The following ABCC9 variants were observed in gnomAD, a reference collection of about 807,000 sequenced individuals.
The protein encoded by ABCC9 is ATP binding cassette subfamily C member 9, also known as ATP-binding cassette sub-family C member 9.
Under a neutral mutation model 188.3 loss-of-function variants are expected in ABCC9, and 95 were observed. The ratio of observed to expected loss-of-function variants is 0.50; its 90% CI spans 0.43 to 0.60. The LOEUF is 0.60. Ranked by LOEUF, ABCC9 falls within the 20% of genes least tolerant of loss-of-function variation. The pLI is 0.00. For missense variants in ABCC9, 1,102 were observed against 1,876.3 expected (o/e 0.59, Z 7.62); for synonymous variants, 659 against 652.7 (o/e 1.01, Z -0.15).
chr12:21,856,194 A>G (rs536273865), intron 22 of ABCC9, among the ~76,000 whole-genome samples: 1 of 152,278 alleles, frequency 6.6e-6, no homozygotes. Context: ...TCTACAACTT[A>G]CTAAAAATTG....
intron 20 of ABCC9, among the ~76,000 whole-genome samples, chr12:21,861,533 G>A (rs868419657): frequency 6.6e-6 from 1 of 151,970 alleles, no homozygotes; most frequent in South Asian, 2.1e-4. Flanking sequence ...CGCCCAGCTG[G>A]GTTCCGACTC....
chr12:21,856,856 A>C (rs1291006821), intron 22 of ABCC9, among the ~76,000 whole-genome samples: 2 of 152,162 alleles, frequency 1.3e-5, no homozygotes, highest in Non-Finnish European at 2.9e-5. Context: ...ATACCAGAGA[A>C]TCTTTGCTGA....
rs78275359 is a variant in ABCC9 at position 21,801,114 on chromosome 12, T to G, written c.4580A>C (p.Tyr1527Ser). 6.2e-7 allele frequency: 1 copy of G among 1,614,036 alleles called. No individual in the cohort carries two copies. The highest frequency in any genetic ancestry group is 8.5e-7 in the Non-Finnish European group (1 of 1,179,942). The change falls in exon 40 of 40, where the codon TAT (tyrosine) becomes TCT (serine). Residue 1527 changes from tyrosine to serine, a missense_variant. Transcript: ENST00000261200. ...IVMKRGNILEYDTPESLLAQE... is the reference protein window; with the variant it reads ...IVMKRGNILESDTPESLLAQE... ...AGCCAAGAGGCTTTCTGGAGTGTCA[T>G]ATTCTAAAATATTTCCTCGCTTCAT...
At chr12:21,812,771 C>G (rs1942338520) in intron 35 of ABCC9, among the ~76,000 whole-genome samples, 2 of 152,116 alleles carry the variant, frequency 1.3e-5, no homozygotes, top group South Asian at 4.2e-4. Context: ...ATGGGTGCAG[C>G]AAACCACCAT....
At chr12:21,854,303 A>C (rs750848919) in intron 22 of ABCC9, among the ~76,000 whole-genome samples, 7 of 152,254 alleles carry the variant, frequency 4.6e-5, no homozygotes, top group Non-Finnish European at 8.8e-5. Context: ...CTGCATAGAT[A>C]GAAACTATAA....
In ABCC9 at chr12:21,852,429, T is replaced by G. The variant is rs776565800; in HGVS notation, c.2582A>C (p.Asp861Ala). ...CACAAGAACGAGTGTCCTTTTGTCA[T>G]CTTGCAGGAATTTCAAAATCCCCTC... is the stretch of plus-strand genomic sequence containing the variant. ...MQEGILKFLQ[D>A]DKRTLVLVTH... Residue 861 changes from aspartate (D) to alanine (A), a missense_variant, in exon 23 of 40, where the codon GAT becomes GCT. This residue lies in a region of ABCC9 where 131 missense variants were observed against 170.2 expected (regional missense o/e 0.77). Coordinates refer to ENST00000261200, the MANE Select transcript of ABCC9 (RefSeq NM_020297.4). 1.2e-6 allele frequency: 2 copies of G among 1,613,932 alleles called. No individual in the cohort carries two copies. The highest frequency in any genetic ancestry group is 1.7e-6 in the Non-Finnish European group (2 of 1,179,964).
chr12:21,912,527 C>CCGT (rs1219927961), intron 8 of ABCC9, among the ~76,000 whole-genome samples: 1 of 151,744 alleles, frequency 6.6e-6, no homozygotes, highest in Non-Finnish European at 1.5e-5. Flanking sequence ...ACTCAGCCAC[C>CCGT]CATCATGTAT....
rs542729968 is a variant in ABCC9 at position 21,875,150 on chromosome 12, T to C, written c.2092+504A>G. 2.8e-5 allele frequency among the ~76,000 whole-genome samples: 4 copies of C among 142,656 alleles called. No individual in the cohort carries two copies. In the East Asian group the frequency reaches 7.9e-4, roughly 28 times the overall value. The allele number at this position is 142,656 out of a possible 152,430, so 93.6% of individuals were successfully genotyped here. A position where few individuals can be genotyped will look rare whatever the true frequency, so the allele number is the denominator to read the frequency against. Reference sequence around the variant, plus strand: ...ATATTGAATACCTTTATTGTGGTGATGGTTTTCACAGGTATACACATATGC... The same window carrying C: ...ATATTGAATACCTTTATTGTGGTGACGGTTTTCACAGGTATACACATATGC... On this transcript the variant is annotated intron_variant, in intron 17 of 39. Coordinates refer to ENST00000261200, the MANE Select transcript of ABCC9 (RefSeq NM_020297.4).
chr12:21,872,061 T>C (rs988920694), intron 18 of ABCC9, among the ~76,000 whole-genome samples: 6 of 152,360 alleles, frequency 3.9e-5, no homozygotes, highest in African/African-American at 1.4e-4. Context: ...CTGGAAGCAA[T>C]CATTCAAATG....
intron 18 of ABCC9, among the ~76,000 whole-genome samples, chr12:21,864,766 C>T (rs990200745): frequency 6.6e-6 from 1 of 152,088 alleles, no homozygotes; most frequent in African/African-American, 2.4e-5. Flanking sequence ...TAACCCTGCT[C>T]CAAACAGCTG....
At chr12:21,923,516 A>T (rs890068408) in intron 5 of ABCC9, 3 of 250,752 alleles carry the variant, frequency 1.2e-5, no homozygotes, top group African/African-American at 6.7e-5. Context: ...AATGGCCAAT[A>T]AACTCATCAA....
intron 31 of ABCC9, among the ~76,000 whole-genome samples, chr12:21,821,969 G>A (rs1209019716): frequency 6.6e-6 from 1 of 151,872 alleles, no homozygotes; most frequent in Non-Finnish European, 1.5e-5. Flanking sequence ...TTAGTTATTA[G>A]GCCAGCAATC....
In ABCC9 at chr12:21,890,755, G is replaced by C. The variant is rs200036295; in HGVS notation, c.1803-2821C>G. Among the ~76,000 whole-genome samples the C allele has an allele frequency of 1.3e-4, 19 of 151,408 alleles. No individual in the cohort carries two copies. In the East Asian group the frequency reaches 3.5e-3, roughly 28 times the overall value. On this transcript the variant is annotated intron_variant, in intron 14 of 39. Coordinates refer to ENST00000261200, the MANE Select transcript of ABCC9 (RefSeq NM_020297.4). ...AAACACCGCATGTTCTCACTCATAC[G>C]TGGGAATTGAACAATGAGAACACAT...
At chr12:21,806,155 G>A (rs1941828070) in intron 38 of ABCC9, 95 bp from the exon 39 acceptor site, 1 of 1,104,818 alleles carries the variant, frequency 9.1e-7, no homozygotes, top group Non-Finnish European at 1.3e-6. Context: ...AATCCCTTGT[G>A]AGCATTCTCA....
intron 39 of ABCC9, 126 bp downstream of exon 39, chr12:21,805,868 TGCAC>T: frequency 3.2e-6 from 3 of 935,448 alleles, no homozygotes; most frequent in Admixed American, 4.4e-5. Flanking sequence ...TTTTCTTTTT[TGCAC>T]AGATACAGAA....
At chr12:21,903,881 A>G (rs1947896583) in intron 12 of ABCC9, among the ~76,000 whole-genome samples, 1 of 152,250 alleles carries the variant, frequency 6.6e-6, no homozygotes, top group Admixed American at 6.5e-5. Context: ...ATTCAATGCT[A>G]TCCCCATCAA....
chr12:21,933,924 C>G lies in ABCC9; in HGVS notation c.143-1G>C. The G allele has an allele frequency of 1.2e-6, 2 of 1,613,404 alleles. No homozygotes were observed. On this transcript the variant is annotated splice_acceptor_variant, in intron 3 of 39. Coordinates refer to ENST00000261200, the MANE Select transcript of ABCC9 (RefSeq NM_020297.4). LOFTEE classifies it high-confidence loss of function. ...ACTTTTGAGCTTTGGCTCCCCCACC[C>G]TGGAAAAGAGAGAAAAGTTAAAAAC...
intron 15 of ABCC9, among the ~76,000 whole-genome samples, chr12:21,885,068 G>A (rs1592146876): frequency 6.6e-6 from 1 of 152,162 alleles, no homozygotes; most frequent in Non-Finnish European, 1.5e-5. Context: ...TGTGTTGACA[G>A]AGATTTGAGT....
chr12:21,864,643 T>C (rs887408017), intron 18 of ABCC9, among the ~76,000 whole-genome samples, 166 bp from the exon 19 acceptor site: 3 of 152,192 alleles, frequency 2.0e-5, no homozygotes, highest in African/African-American at 4.8e-5. Flanking sequence ...AGTAGTATTC[T>C]TCTTTATGTC....
Sources: gnomAD v4.1 joint callset for allele counts (sites outside exome capture counted in the v4.1 genomes callset) on GRCh38, gnomAD v4.1.1 for gene constraint, gnomAD v4.1.1 regional missense constraint, MANE v1.5 for transcripts, NCBI Gene and HGNC (gene_info 2026-07-23, HGNC 2026-07-21) for gene names.